GOLGB1: variants seen among roughly 807,000 people sequenced by gnomAD.
GOLGB1 encodes golgin B1.
In GOLGB1, 174 loss-of-function variants were observed where a neutral mutation model predicts 336.9. The ratio of observed to expected loss-of-function variants is 0.52; its 90% CI spans 0.46 to 0.59. The LOEUF (loss-of-function observed/expected upper bound fraction) is 0.59. Among genes scored for constraint, GOLGB1 ranks in the 20% least tolerant of loss-of-function variants. The probability of loss-of-function intolerance (pLI) is 0.00; values close to 1 mark genes in which losing one functional copy is unlikely to be tolerated. For synonymous variants in GOLGB1, 1,208 were observed against 1,289.2 expected, an observed-to-expected ratio of 0.94 and a Z score of 1.35; for missense variants, 3,331 against 3,645.3, an observed-to-expected ratio of 0.91 and a Z score of 2.22.
At chr3:121,666,106 A>G (rs977104082) in intron 20 of GOLGB1, among the ~76,000 whole-genome samples, 5 of 152,220 alleles carry the variant, frequency 3.3e-5, no homozygotes, top group African/African-American at 9.6e-5. Context: ...AAGGATGAGA[A>G]GTCTGTAGGT....
At position 121,668,141 on chromosome 3, in the gene GOLGB1, A is replaced by G. The variant is rs1226631862; in HGVS notation, c.9339T>C (p.Asp3113=). Residue 3113 remains aspartate (D), a synonymous_variant, in exon 19 of 22, where the codon GAT becomes GAC. Coordinates refer to ENST00000614479, the MANE Select transcript of GOLGB1 (RefSeq NM_001366282.2). ...QELQAGPLNI[D]VAPGAPQEKN... is the part of the protein sequence containing the mutation. ...TTTCCTGGGGAGCTCCTGGAGCAACATCTATATTTAGTGGCCCCTGGAAGA... is the reference window on the plus strand; with the variant it reads ...TTTCCTGGGGAGCTCCTGGAGCAACGTCTATATTTAGTGGCCCCTGGAAGA... 6.3e-7 allele frequency: 1 copy of G among 1,594,964 alleles called. No homozygotes were observed. Among genetic ancestry groups the G allele is most frequent in the Non-Finnish European group, 8.6e-7 (1 of 1,166,088 alleles).
At chr3:121,736,286 A>G (rs1946460449) in intron 1 of GOLGB1, among the ~76,000 whole-genome samples, 1 of 152,210 alleles carries the variant, frequency 6.6e-6, no homozygotes, top group Non-Finnish European at 1.5e-5. Context: ...AATATGAAAA[A>G]AGAAAAACAG....
rs538255158 is a variant in GOLGB1 at position 121,669,247 on chromosome 3, C to T, written c.9286G>A (p.Ala3096Thr). The T allele has an allele frequency of 3.5e-5, 57 of 1,614,078 alleles. No individual in the cohort carries two copies. In the South Asian group the frequency reaches 6.0e-4, roughly 17 times the overall value. The change falls in exon 18 of 22, where the codon GCA (alanine) becomes ACA (threonine). Residue 3096 changes from alanine to threonine, a missense_variant. By Grantham distance (58) the Ala-to-Thr change is moderately conservative (BLOSUM62 0). Transcript: ENST00000614479. Reference protein sequence around the residue: ...QHYGDLLNHCAVLEKQVQELQ... With the variant: ...QHYGDLLNHCTVLEKQVQELQ... ...TCTTGAACCTGCTTCTCCAAGACTG[C>T]ACAGTGATTTAAAAGGTCACCATAG...
In GOLGB1 at chr3:121,690,994, A is replaced by G. The variant is rs769635134; in HGVS notation, c.8370T>C (p.Leu2790=). ...GLLNRERDAL[L]SETAFSMNST... Reference sequence around the variant, plus strand: ...AGTTCATTGAAAAGGCGGTTTCAGAAAGAAGAGCATCTCTCTCTCTGTTTA... The same window carrying G: ...AGTTCATTGAAAAGGCGGTTTCAGAGAGAAGAGCATCTCTCTCTCTGTTTA... The change falls in exon 14 of 22, where the codon CTT becomes CTC. Residue 2790 remains leucine, a synonymous_variant. Transcript: ENST00000614479. 1.2e-6 allele frequency: 2 copies of G among 1,614,044 alleles called. No homozygotes were observed. The highest frequency in any genetic ancestry group is 1.7e-6 in the Non-Finnish European group (2 of 1,179,960).
intron 17 of GOLGB1, among the ~76,000 whole-genome samples, chr3:121,675,586 T>G (rs1940264836): frequency 6.6e-6 from 1 of 152,238 alleles, no homozygotes; most frequent in African/African-American, 2.4e-5. Context: ...TCCATTTATA[T>G]GTAGTTCTAA....
At chr3:121,689,342 T>C (rs1942185167) in intron 14 of GOLGB1, among the ~76,000 whole-genome samples, 1 of 152,204 alleles carries the variant, frequency 6.6e-6, no homozygotes, top group Non-Finnish European at 1.5e-5. Context: ...TGTTGATCTG[T>C]GACCTTACCC....
Position 121,695,704 on chromosome 3 carries a change from T to C in GOLGB1, c.4819A>G (p.Thr1607Ala). 6.2e-7 allele frequency: 1 copy of C among 1,611,756 alleles called. No individual in the cohort carries two copies. The highest frequency in any genetic ancestry group is 1.1e-5 in the South Asian group (1 of 91,076). Residue 1607 changes from threonine (T) to alanine (A), a missense_variant, in exon 13 of 22, where the codon ACT becomes GCT. Physicochemically the swap from Thr to Ala is moderately conservative, Grantham distance 58. Transcript: ENST00000614479. ...SLKSSKIAES[T>A]EWQEKHKELQ... The stretch of plus-strand genomic sequence containing the variant: ...TCCTTGTGTTTCTCTTGCCACTCAG[T>C]ACTTTCTGCAATCTTAGAAGATTTC...
At chr3:121,693,610 A>G (rs1942667193) in intron 13 of GOLGB1, 131 bp downstream of exon 13, 1 of 686,486 alleles carries the variant, frequency 1.5e-6, no homozygotes, top group Admixed American at 2.7e-5. Flanking sequence ...GTCAGAAGTG[A>G]GAGAGAATAT....
intron 3 of GOLGB1, among the ~76,000 whole-genome samples, 162 bp downstream of exon 3, chr3:121,729,703 T>C (rs1945939373): frequency 6.6e-6 from 1 of 152,102 alleles, no homozygotes; most frequent in African/African-American, 2.4e-5. Context: ...AGGTGTGAGC[T>C]ACCACACCGA....
In GOLGB1 at chr3:121,719,714, C is replaced by T. The variant is rs759487173; in HGVS notation, c.703G>A (p.Val235Ile). The T allele has an allele frequency of 6.2e-7, 1 of 1,610,600 alleles. No homozygotes were observed. Among genetic ancestry groups the T allele is most frequent in the Non-Finnish European group, 8.5e-7 (1 of 1,178,230 alleles). Residue 235 changes from valine (V) to isoleucine (I), a missense_variant, in exon 7 of 22, where the codon GTT (valine) becomes ATT (isoleucine). Transcript: ENST00000614479. ...REKDARFETQ[V>I]RLHEDELLQL... ...AGAAGCTCATCTTCATGAAGACGAACTTGTGTTTCAAAGCGGGCATCTTTC... is the reference window on the plus strand; with the variant it reads ...AGAAGCTCATCTTCATGAAGACGAATTTGTGTTTCAAAGCGGGCATCTTTC...
intron 5 of GOLGB1, among the ~76,000 whole-genome samples, 180 bp downstream of exon 5, chr3:121,726,733 A>G (rs537544220): frequency 1.3e-5 from 2 of 152,198 alleles, no homozygotes; most frequent in Non-Finnish European, 2.9e-5. Flanking sequence ...TAAAAATGAC[A>G]AACACCAATG....
chr3:121,722,062 C>G (rs1306374145), intron 6 of GOLGB1, among the ~76,000 whole-genome samples, 200 bp downstream of exon 6: 1 of 152,170 alleles, frequency 6.6e-6, no homozygotes, highest in Non-Finnish European at 1.5e-5. Flanking sequence ...GTGAGGTTTT[C>G]TGGTGTTCCC....
chr3:121,689,272 A>T (rs1205202874), intron 14 of GOLGB1, among the ~76,000 whole-genome samples: 1 of 152,242 alleles, frequency 6.6e-6, no homozygotes, highest in Non-Finnish European at 1.5e-5. Context: ...AGAAAGAAGT[A>T]GACATGGGAA....
intron 11 of GOLGB1, 99 bp from the exon 12 acceptor site, chr3:121,699,984 T>C: frequency 5.6e-6 from 4 of 715,646 alleles, no homozygotes; most frequent in Non-Finnish European, 9.2e-6. Context: ...AAATAATTTT[T>C]TAAAAAATAA....
chr3:121,744,630 A>G (rs1947123057), intron 1 of GOLGB1, among the ~76,000 whole-genome samples: 1 of 151,530 alleles, frequency 6.6e-6, no homozygotes. Flanking sequence ...AAAAAAAAAA[A>G]AAAAAAATTA....
chr3:121,694,148 A>T lies in GOLGB1; in HGVS notation c.6375T>A (p.Asp2125Glu), dbSNP rs1388070218. The T allele has an allele frequency of 2.5e-6, 4 of 1,613,646 alleles. No homozygotes were observed. The highest frequency in any genetic ancestry group is 3.4e-6 in the Non-Finnish European group (4 of 1,179,970). The change falls in exon 13 of 22, where the codon GAT becomes GAA. Residue 2125 changes from aspartate to glutamate, a missense_variant. Asp to Glu is a conservative substitution (Grantham distance 45). Coordinates refer to ENST00000614479, the MANE Select transcript of GOLGB1 (RefSeq NM_001366282.2). ...GTTCCAGTCTTCGCTCAAGATCTTC[A>T]TCCTTTTGTTTCATCTGGCTTTTAA... ...ESVKSQMKQK[D>E]EDLERRLEQA...
At chr3:121,671,393 C>G (rs950373729) in intron 17 of GOLGB1, among the ~76,000 whole-genome samples, 1 of 152,166 alleles carries the variant, frequency 6.6e-6, no homozygotes, top group South Asian at 2.1e-4. Context: ...AGAACCACCC[C>G]TGGACCCCCA....
chr3:121,727,334 T>A (rs1194159344), intron 4 of GOLGB1, among the ~76,000 whole-genome samples: 10 of 129,332 alleles, frequency 7.7e-5, no homozygotes, highest in East Asian at 2.4e-4. Context: ...TTTTTTTTTT[T>A]TTTTTTTTTT....
chr3:121,688,514 G>C (rs1942023324), intron 14 of GOLGB1, among the ~76,000 whole-genome samples: 1 of 152,246 alleles, frequency 6.6e-6, no homozygotes, highest in Non-Finnish European at 1.5e-5. Context: ...CTGGAGTGCA[G>C]TGGTGTGATC....
Sources: allele counts gnomAD v4.1 joint callset (sites outside exome capture counted in the v4.1 genomes callset), GRCh38; gene constraint gnomAD v4.1.1; transcripts MANE v1.5; gene names NCBI Gene and HGNC (gene_info 2026-07-23, HGNC 2026-07-21).